RXFP2: variants seen among roughly 807,000 people sequenced by gnomAD.
RXFP2 encodes relaxin family peptide receptor 2.
A neutral mutation model predicts 88.6 loss-of-function variants in RXFP2; 68 were observed. That is an observed-to-expected ratio of 0.77 (90% CI 0.63 to 0.94). RXFP2 has a LOEUF of 0.94. RXFP2 is among the 40% of genes least tolerant of loss of function. RXFP2 has a pLI of 0.00. For missense variants in RXFP2, 791 were observed against 893.9 expected, an observed-to-expected ratio of 0.88 and a Z score of 1.47; for synonymous variants, 329 against 306.8, an observed-to-expected ratio of 1.07 and a Z score of -0.76.
At chr13:31,764,546 G>A (rs1047619448) in intron 3 of RXFP2, among the ~76,000 whole-genome samples, 9 of 152,194 alleles carry the variant, frequency 5.9e-5, no homozygotes, top group Admixed American at 5.2e-4. Context: ...TTAGTAAGGT[G>A]CCAGGGTGGT....
chr13:31,769,857 A>G (rs1766146195), intron 5 of RXFP2, among the ~76,000 whole-genome samples: 1 of 152,104 alleles, frequency 6.6e-6, no homozygotes, highest in African/African-American at 2.4e-5. Flanking sequence ...CCGGAGTGTG[A>G]AGGTCTTTTT....
At chr13:31,743,113 G>A (rs894867755) in intron 1 of RXFP2, among the ~76,000 whole-genome samples, 2 of 152,160 alleles carry the variant, frequency 1.3e-5, no homozygotes, top group African/African-American at 2.4e-5. Context: ...GCTCCGAAGC[G>A]AAAATAAAAC....
chr13:31,755,591 T>G (rs1324134319), intron 1 of RXFP2, among the ~76,000 whole-genome samples: 1 of 152,202 alleles, frequency 6.6e-6, no homozygotes, highest in Non-Finnish European at 1.5e-5. Flanking sequence ...CTCGTTCATG[T>G]TCCAAACACA....
chr13:31,759,434 A>AAAGAAAG (rs1872187283), intron 2 of RXFP2, among the ~76,000 whole-genome samples: 35 of 136,614 alleles, frequency 2.6e-4, no homozygotes, highest in Admixed American at 4.3e-4. Flanking sequence ...AGAAAGAAAG[A>AAAGAAAG]AAGAAAGAAA....
chr13:31,790,056 G>C (rs1429871360), intron 14 of RXFP2, among the ~76,000 whole-genome samples: 1 of 152,194 alleles, frequency 6.6e-6, no homozygotes, highest in African/African-American at 2.4e-5. Flanking sequence ...TTTAGAACTT[G>C]ATGGAGAAAC....
chr13:31,775,041 C>G lies in RXFP2; in HGVS notation c.570-277C>G, dbSNP rs1008983690. Among the ~76,000 whole-genome samples the G allele has an allele frequency of 3.3e-5, 5 of 152,190 alleles. No individual in the cohort carries two copies. The East Asian group carries it at 9.6e-4, about 29-fold the overall frequency. On this transcript the variant is annotated intron_variant, in intron 6 of 17. Transcript: ENST00000298386. ...ACAAAAGCAAAAATTGCCCCACATA[C>G]TTAGTTATTATACCCTTACAATCTA... is the stretch of plus-strand genomic sequence containing the variant.
intron 13 of RXFP2, 36 bp from the exon 14 acceptor site, chr13:31,789,086 C>A: frequency 1.5e-6 from 2 of 1,321,620 alleles, no homozygotes; most frequent in Non-Finnish European, 2.2e-6. Flanking sequence ...AACGTTTCAT[C>A]TCAACACCAT....
chr13:31,775,440 T>C (rs1362746763), intron 7 of RXFP2, 51 bp downstream of exon 7: 1 of 1,255,498 alleles, frequency 8.0e-7, no homozygotes, highest in Non-Finnish European at 1.2e-6. Context: ...GTCTTGATGA[T>C]ATATAACAGT....
intron 1 of RXFP2, among the ~76,000 whole-genome samples, chr13:31,747,896 A>T (rs1192700014): frequency 2.0e-5 from 3 of 152,194 alleles, no homozygotes; most frequent in Non-Finnish European, 4.4e-5. Flanking sequence ...TCATCAAAGA[A>T]ATAGGAAATA....
intron 1 of RXFP2, among the ~76,000 whole-genome samples, chr13:31,747,740 T>C (rs1220119424): frequency 6.6e-6 from 1 of 152,234 alleles, no homozygotes; most frequent in East Asian, 1.9e-4. Context: ...TTGCACCAGC[T>C]TAATAGTATA....
intron 2 of RXFP2, among the ~76,000 whole-genome samples, chr13:31,758,930 C>T (rs566517476): frequency 1.3e-5 from 2 of 152,174 alleles, no homozygotes; most frequent in African/African-American, 4.8e-5. Flanking sequence ...TGCCTGTAAT[C>T]CCAGCTACTC....
chr13:31,761,795 G>T lies in RXFP2; in HGVS notation c.313G>T (p.Glu105Ter), dbSNP rs771198129. The T allele has an allele frequency of 2.2e-5, 36 of 1,608,800 alleles. No individual in the cohort carries two copies. Among genetic ancestry groups the T allele is most frequent in the Non-Finnish European group, 2.9e-5 (34 of 1,175,382 alleles). The change falls in exon 3 of 18, where the codon GAG (glutamate) becomes TAG (stop). Residue 105 changes from glutamate (E) to a stop codon, truncating the protein, a stop_gained. Coordinates refer to ENST00000298386, the MANE Select transcript of RXFP2 (RefSeq NM_130806.5). LOFTEE classifies it high-confidence loss of function. ...GNANSVALTQ[E>*]CFLKQYPQCC... ...TGCTAACAGCGTGGCCTTAACACAG[G>T]AGTGCTGTAAGTGGTTTTGATTCAA...
At chr13:31,765,015 C>CTT in intron 3 of RXFP2, 22 bp from the exon 4 acceptor site, 1 of 1,281,918 alleles carries the variant, frequency 7.8e-7, no homozygotes, top group African/African-American at 1.5e-5. Flanking sequence ...CTAGTGAAAT[C>CTT]TTACTCTTTT....
In RXFP2 at chr13:31,758,316, C is replaced by T; in HGVS notation, c.153C>T (p.Pro51=). The change falls in exon 2 of 18, where the codon CCC becomes CCT. Residue 51 remains proline (P), a synonymous_variant. Coordinates refer to ENST00000298386, the MANE Select transcript of RXFP2 (RefSeq NM_130806.5). ...CTTCATGCCAAAAAGGATATTTTCC[C>T]TGTGGGAATCTTACCAAGTGCTTAC... ...ITPSCQKGYF[P]CGNLTKCLPR... is the part of the protein sequence containing the mutation. 1.2e-6 allele frequency: 2 copies of T among 1,614,112 alleles called. No homozygotes were observed. The highest frequency in any genetic ancestry group is 1.7e-6 in the Non-Finnish European group (2 of 1,180,002).
At chr13:31,767,332 G>T (rs1318681913) in intron 5 of RXFP2, among the ~76,000 whole-genome samples, 1 of 152,170 alleles carries the variant, frequency 6.6e-6, no homozygotes, top group African/African-American at 2.4e-5. Context: ...AAGTATGTGG[G>T]TATGTGGTCA....
intron 13 of RXFP2, among the ~76,000 whole-genome samples, chr13:31,788,137 GA>G (rs11434187): frequency 0.035 from 4,799 of 138,226 alleles, 83 homozygotes; most frequent in African/African-American, 0.044. Flanking sequence ...GAGCCAGAGA[GA>G]AAAAAAAAAA....
intron 1 of RXFP2, among the ~76,000 whole-genome samples, chr13:31,740,492 C>T (rs1258313752): frequency 1.3e-5 from 2 of 151,816 alleles, no homozygotes; most frequent in Non-Finnish European, 2.9e-5. Context: ...TTTTGATAAA[C>T]CTCTGAGAAT....
intron 5 of RXFP2, among the ~76,000 whole-genome samples, chr13:31,766,771 G>A (rs996630828): frequency 6.6e-6 from 1 of 152,080 alleles, no homozygotes; most frequent in African/African-American, 2.4e-5. Flanking sequence ...AAGTTGCATG[G>A]CATAGAGAAT....
intron 14 of RXFP2, among the ~76,000 whole-genome samples, chr13:31,790,274 T>C (rs756864623): frequency 1.3e-5 from 2 of 152,142 alleles, no homozygotes; most frequent in Non-Finnish European, 2.9e-5. Flanking sequence ...AAGGGGGCCC[T>C]GAACCACTGA....
Sources: allele counts gnomAD v4.1 joint callset (sites outside exome capture counted in the v4.1 genomes callset), GRCh38; gene constraint gnomAD v4.1.1; transcripts MANE v1.5; gene names NCBI Gene and HGNC (gene_info 2026-07-23, HGNC 2026-07-21).